The following POLA2 variants were observed in gnomAD, a reference collection of about 807,000 sequenced individuals.
POLA2 encodes DNA polymerase alpha subunit B.
In POLA2, 47 loss-of-function variants were observed where a neutral mutation model predicts 82.8. That is an observed-to-expected ratio of 0.57 (90% CI 0.45 to 0.72). The LOEUF is 0.72. POLA2 is among the 30% of genes least tolerant of loss of function. The pLI is 0.00. For missense variants in POLA2, 634 were observed against 728.1 expected (o/e 0.87, Z 1.49); for synonymous variants, 287 against 286.8 (o/e 1.00, Z -0.01).
At chr11:65,266,463 CTGGCACTAATAGATTCTGAA>C in intron 1 of POLA2, 99 bp from the exon 2 acceptor site, 1 of 1,017,958 alleles carries the variant, frequency 9.8e-7, no homozygotes, top group Non-Finnish European at 1.5e-6. Flanking sequence ...AAAACAGTGC[CTGGCACTAATAGATTCTGAA>C]TAAACATTGA....
At chr11:65,276,867 C>T (rs1361510484) in intron 5 of POLA2, among the ~76,000 whole-genome samples, 1 of 149,742 alleles carries the variant, frequency 6.7e-6, no homozygotes, top group African/African-American at 2.5e-5. Context: ...TCTTGGCTTA[C>T]TGAAGCCTCT....
chr11:65,295,288 C>A (rs1390020046), intron 15 of POLA2, among the ~76,000 whole-genome samples: 1 of 152,164 alleles, frequency 6.6e-6, no homozygotes, highest in East Asian at 1.9e-4. Context: ...TGGCTAATGG[C>A]CTTCCTTGAT....
intron 13 of POLA2, among the ~76,000 whole-genome samples, chr11:65,291,976 C>T (rs1046940595): frequency 1.3e-5 from 2 of 152,226 alleles, no homozygotes; most frequent in Admixed American, 6.5e-5. Flanking sequence ...ACGGGGCTCA[C>T]GCCTATAATC....
At position 65,294,261 on chromosome 11, in the gene POLA2, G is replaced by A; in HGVS notation, c.1353G>A (p.Lys451=). 6.2e-7 allele frequency: 1 copy of A among 1,611,924 alleles called. No homozygotes were observed. Among genetic ancestry groups the A allele is most frequent in the East Asian group, 2.2e-5 (1 of 44,864 alleles). The change falls in exon 14 of 18, where the codon AAG becomes AAA. Residue 451 remains lysine, a splice_region_variant and synonymous_variant. Transcript: ENST00000265465. ...CCGATCTGTCTCGAGAGGACAAAAA[G>A]GTAGCAGCACCCACTCCTTGACCAG... ...SYSDLSREDK[K]QVQFVSEPCS... is the part of the protein sequence containing the mutation.
downstream of POLA2, among the ~76,000 whole-genome samples, chr11:65,299,171 G>A (rs1191692225): frequency 6.6e-6 from 1 of 152,230 alleles, no homozygotes; most frequent in East Asian, 1.9e-4. Context: ...GTCAGTGACG[G>A]AGGGTGGGAG....
chr11:65,304,398 T>C (rs1407508747), intron 8 of POLA2, among the ~76,000 whole-genome samples: 2 of 143,574 alleles, frequency 1.4e-5, no homozygotes, highest in South Asian at 2.4e-4. Context: ...TTTTCATCCA[T>C]CCATCAACCC....
At chr11:65,295,461 AT>A in intron 15 of POLA2, 78 bp from the exon 16 acceptor site, 1 of 1,252,908 alleles carries the variant, frequency 8.0e-7, no homozygotes, top group Non-Finnish European at 1.2e-6. Context: ...TCTCTGGTTT[AT>A]TAAATTCTCC....
intron 4 of POLA2, among the ~76,000 whole-genome samples, chr11:65,275,079 A>G (rs962830561): frequency 2.0e-5 from 3 of 151,924 alleles, no homozygotes; most frequent in South Asian, 2.1e-4. Context: ...TTTTTAATCT[A>G]TTTTCCATTG....
At chr11:65,264,003 C>T (rs1032645503) in intron 1 of POLA2, among the ~76,000 whole-genome samples, 10 of 152,186 alleles carry the variant, frequency 6.6e-5, no homozygotes, top group Non-Finnish European at 1.0e-4. Context: ...GACTTTGGAT[C>T]ATCAGTAACT....
In POLA2 at chr11:65,264,422, C is replaced by T. The variant is rs1388554355; in HGVS notation, c.79+2051C>T. Among the ~76,000 whole-genome samples the T allele has an allele frequency of 7.9e-5, 12 of 152,112 alleles. No homozygotes were observed. The East Asian group carries it at 2.3e-3, about 29-fold the overall frequency. On this transcript the variant is annotated intron_variant, in intron 1 of 17. Coordinates refer to ENST00000265465, the MANE Select transcript of POLA2 (RefSeq NM_002689.4). Reference sequence around the variant, plus strand: ...GTTTCACCATGTTGGCCAGGCTGGTCTTCAACTCCTGACCTCAGGTGATCC... The same window carrying T: ...GTTTCACCATGTTGGCCAGGCTGGTTTTCAACTCCTGACCTCAGGTGATCC...
In POLA2 at chr11:65,281,494, G is replaced by C. The variant is rs1042601794; in HGVS notation, c.901-176G>C. On this transcript the variant is annotated intron_variant, in intron 8 of 17. Transcript: ENST00000265465. ...TTGTGAAAATTAGATCACTTATATAGAGCATAATTATTATTACTAATGCAA... is the reference window on the plus strand; with the variant it reads ...TTGTGAAAATTAGATCACTTATATACAGCATAATTATTATTACTAATGCAA... 9.2e-5 allele frequency among the ~76,000 whole-genome samples: 14 copies of C among 152,128 alleles called. 1 individual carries two copies.
In POLA2 at chr11:65,275,902, A is replaced by G; in HGVS notation, c.365A>G (p.Lys122Arg). The G allele has an allele frequency of 1.2e-6, 2 of 1,604,530 alleles. No homozygotes were observed. The highest frequency in any genetic ancestry group is 1.7e-6 in the Non-Finnish European group (2 of 1,174,126). The change falls in exon 5 of 18, where the codon AAG becomes AGG. Residue 122 changes from lysine to arginine, a missense_variant. By Grantham distance (26) the Lys-to-Arg change is conservative (BLOSUM62 2). Transcript: ENST00000265465. ...SYTTPSKGSQ[K>R]RAISTPETPL... ...CTTTTTTTTCCCTAGGGTTCTCAGA[A>G]GCGAGCTATCTCTACCCCAGAAACC...
At chr11:65,283,137 A>G (rs1291262841) in intron 10 of POLA2, among the ~76,000 whole-genome samples, 1 of 152,184 alleles carries the variant, frequency 6.6e-6, no homozygotes, top group Non-Finnish European at 1.5e-5. Context: ...ACTCTTAAAA[A>G]AAATTAAAAT....
In POLA2 at chr11:65,297,258, G is replaced by A. The variant is rs768645353; in HGVS notation, c.1786G>A (p.Val596Ile). ...GAGCCCATGCATTGCTGTGCAGGTC[G>A]TCAGGATCTGAGGCTTCTGTCCTCT... is the stretch of plus-strand genomic sequence containing the variant. Reference protein sequence around the residue: ...RQSPCIAVQVVRI With the variant: ...RQSPCIAVQVIRI The change falls in exon 18 of 18, where the codon GTC becomes ATC. Residue 596 changes from valine to isoleucine, a missense_variant. Transcript: ENST00000265465. The A allele has an allele frequency of 6.8e-6, 11 of 1,607,352 alleles. No individual in the cohort carries two copies. The highest frequency in any genetic ancestry group is 4.0e-5 in the African/African-American group (3 of 74,742).
intron 1 of POLA2, 45 bp downstream of exon 1, chr11:65,262,416 T>C: frequency 6.6e-7 from 1 of 1,516,416 alleles, no homozygotes. Flanking sequence ...CTCCACGCTC[T>C]CGCCCGAGTT....
At chr11:65,275,862 T>G in intron 4 of POLA2, 30 bp from the exon 5 acceptor site, 105 of 1,297,438 alleles carry the variant, frequency 8.1e-5, no homozygotes, top group Non-Finnish European at 1.1e-4. Flanking sequence ...CTAGTAGGAC[T>G]GAGATTTTGT....
downstream of POLA2, among the ~76,000 whole-genome samples, chr11:65,299,057 C>T (rs1949842979): frequency 6.6e-6 from 1 of 152,244 alleles, no homozygotes; most frequent in African/African-American, 2.4e-5. Flanking sequence ...AGGAAGGTGC[C>T]AAGTGACTGC....
chr11:65,277,646 C>G (rs1949595830), intron 5 of POLA2, among the ~76,000 whole-genome samples: 1 of 152,180 alleles, frequency 6.6e-6, no homozygotes, highest in Admixed American at 6.5e-5. Flanking sequence ...GTTATATTCT[C>G]CAAATGTCAA....
downstream of POLA2, among the ~76,000 whole-genome samples, chr11:65,301,431 G>T (rs1949859063): frequency 6.6e-6 from 1 of 152,164 alleles, no homozygotes; most frequent in Non-Finnish European, 1.5e-5. Context: ...GGTTTGAGGG[G>T]AGAGGGGCTC....
Sources: gnomAD v4.1 joint callset for allele counts (sites outside exome capture counted in the v4.1 genomes callset) on GRCh38, gnomAD v4.1.1 for gene constraint, MANE v1.5 for transcripts, NCBI Gene and HGNC (gene_info 2026-07-23, HGNC 2026-07-21) for gene names.